STXBP4: variants seen among roughly 807,000 people sequenced by gnomAD.
STXBP4 encodes the protein syntaxin-binding protein 4.
In STXBP4, 55 loss-of-function variants were observed where a neutral mutation model predicts 76.1. The observed-to-expected ratio is 0.72, with a 90% CI of 0.58 to 0.91. The LOEUF (loss-of-function observed/expected upper bound fraction) is 0.91, where lower values mean the gene tolerates loss of function less well. STXBP4 is among the 40% of genes least tolerant of loss of function. The probability of loss-of-function intolerance (pLI) is 0.00; values close to 1 mark genes in which losing one functional copy is unlikely to be tolerated. For synonymous variants in STXBP4, 201 were observed against 220.2 expected (o/e 0.91, Z 0.77); for missense variants, 618 against 636.9 (o/e 0.97, Z 0.32).
the STXBP4 span, among the ~76,000 whole-genome samples, chr17:55,192,371 A>T: frequency 6.6e-6 from 1 of 152,274 alleles, no homozygotes; most frequent in African/African-American, 2.4e-5. Context: ...ACAGAAGTGG[A>T]CTTACTTCAT....
intron 10 of STXBP4, among the ~76,000 whole-genome samples, chr17:55,040,340 A>G (rs2078676556): frequency 6.6e-6 from 1 of 152,142 alleles, no homozygotes; most frequent in Non-Finnish European, 1.5e-5. Context: ...GAGCAGGGAA[A>G]TGGAAAGAGA....
intron 16 of STXBP4, among the ~76,000 whole-genome samples, chr17:55,092,431 C>G (rs1227815963): frequency 6.6e-6 from 1 of 152,110 alleles, no homozygotes. Context: ...TATTAACAAC[C>G]ATGTAATTTA....
At chr17:55,126,417 T>A (rs1031531760) in intron 16 of STXBP4, among the ~76,000 whole-genome samples, 3 of 152,182 alleles carry the variant, frequency 2.0e-5, no homozygotes, top group Non-Finnish European at 1.5e-5. Context: ...ATGGAAATGC[T>A]AAAAGTATAA....
intron 17 of STXBP4, among the ~76,000 whole-genome samples, 191 bp downstream of exon 17, chr17:55,141,558 A>T (rs949387497): frequency 1.3e-5 from 2 of 152,196 alleles, no homozygotes; most frequent in Admixed American, 6.5e-5. Flanking sequence ...GGGGGAAAAA[A>T]CCTGGTAATA....
At chr17:55,091,666 T>G (rs2079416777) in intron 16 of STXBP4, among the ~76,000 whole-genome samples, 1 of 152,218 alleles carries the variant, frequency 6.6e-6, no homozygotes, top group Non-Finnish European at 1.5e-5. Context: ...GCAAGCATGA[T>G]GGTGATGCCA....
chr17:55,024,793 A>C (rs567264637), intron 8 of STXBP4, among the ~76,000 whole-genome samples: 1 of 152,196 alleles, frequency 6.6e-6, no homozygotes. Context: ...AGGAAAATGA[A>C]GGAACAAGAG....
Position 55,168,386 on chromosome 17 carries a change from A to G in STXBP4, c.*8475A>G, listed in dbSNP as rs971891447. 1.3e-5 allele frequency: 2 copies of G among 152,176 alleles called. No homozygotes were observed. Among genetic ancestry groups the G allele is most frequent in the Admixed American group, 6.5e-5 (1 of 15,276 alleles). The allele number at this position is 152,176 out of a possible 1,614,324, so 9.4% of individuals were successfully genotyped here. A position where few individuals can be genotyped will look rare whatever the true frequency, so the allele number is the denominator to read the frequency against. Reference sequence around the variant, plus strand: ...TCTACAAATGGAAAGTGAGAAGTCTATGAAGTTACCTTAGTTTTTCCAATT... The same window carrying G: ...TCTACAAATGGAAAGTGAGAAGTCTGTGAAGTTACCTTAGTTTTTCCAATT... On this transcript the variant is annotated 3_prime_UTR_variant, in exon 18 of 18. Transcript: ENST00000376352.
At chr17:55,052,731 C>T (rs1013368364) in intron 12 of STXBP4, among the ~76,000 whole-genome samples, 1 of 151,646 alleles carries the variant, frequency 6.6e-6, no homozygotes, top group Non-Finnish European at 1.5e-5. Context: ...GTTGATATCA[C>T]CAATGAAGAA....
chr17:55,196,146 G>T, the STXBP4 span, among the ~76,000 whole-genome samples: 1 of 152,154 alleles, frequency 6.6e-6, no homozygotes, highest in Admixed American at 6.5e-5. Context: ...GCAATGACTT[G>T]ATTGGTAGTC....
At chr17:55,058,691 C>T (rs1300499659) in intron 12 of STXBP4, among the ~76,000 whole-genome samples, 2 of 151,972 alleles carry the variant, frequency 1.3e-5, no homozygotes, top group Non-Finnish European at 2.9e-5. Context: ...TTCTTATAGT[C>T]GATGGGCATT....
chr17:55,197,246 C>T, the STXBP4 span, among the ~76,000 whole-genome samples: 1 of 151,798 alleles, frequency 6.6e-6, no homozygotes, highest in Admixed American at 6.6e-5. Context: ...CTTCTTAGCT[C>T]TGCTTAGAGG....
At chr17:55,206,740 C>T in the STXBP4 span, among the ~76,000 whole-genome samples, 1 of 151,592 alleles carries the variant, frequency 6.6e-6, no homozygotes, top group Non-Finnish European at 1.5e-5. Flanking sequence ...GACTGTAGTC[C>T]CAGCTACTCA....
intron 8 of STXBP4, among the ~76,000 whole-genome samples, chr17:55,010,422 T>C (rs2078088545): frequency 6.6e-6 from 1 of 152,122 alleles, no homozygotes; most frequent in Admixed American, 6.5e-5. Context: ...CATTTGCCTC[T>C]TTCTGTGAAT....
chr17:55,194,449 A>G, the STXBP4 span, among the ~76,000 whole-genome samples: 1 of 152,246 alleles, frequency 6.6e-6, no homozygotes, highest in African/African-American at 2.4e-5. Flanking sequence ...AGCTCCTCCT[A>G]TTTGGCCTGT....
chr17:55,084,649 G>T (rs1364669903), intron 16 of STXBP4, among the ~76,000 whole-genome samples: 1 of 151,500 alleles, frequency 6.6e-6, no homozygotes, highest in African/African-American at 2.4e-5. Context: ...ATCTTGAATT[G>T]ATTTTTGTAT....
At chr17:55,008,668 G>A (rs1418355789) in intron 8 of STXBP4, among the ~76,000 whole-genome samples, 1 of 152,110 alleles carries the variant, frequency 6.6e-6, no homozygotes, top group Non-Finnish European at 1.5e-5. Context: ...TAAACTGGGG[G>A]GAGCATAGCA....
intron 10 of STXBP4, among the ~76,000 whole-genome samples, chr17:55,037,548 G>T (rs191087667): frequency 6.6e-6 from 1 of 152,014 alleles, no homozygotes; most frequent in African/African-American, 2.4e-5. Context: ...AGCGCTAATG[G>T]CAATTGTGCA....
intron 8 of STXBP4, among the ~76,000 whole-genome samples, chr17:55,016,199 C>A (rs1254788455): frequency 6.6e-6 from 1 of 152,112 alleles, no homozygotes; most frequent in Non-Finnish European, 1.5e-5. Context: ...GGTGCGTCAC[C>A]ACCCATGGAC....
intron 16 of STXBP4, among the ~76,000 whole-genome samples, chr17:55,134,505 A>G (rs2080007001): frequency 1.3e-5 from 2 of 152,144 alleles, no homozygotes; most frequent in Admixed American, 6.6e-5. Flanking sequence ...ATCCAAAACA[A>G]TTATATATAA....
Sources: gnomAD v4.1 joint callset for allele counts (sites outside exome capture counted in the v4.1 genomes callset) on GRCh38, gnomAD v4.1.1 for gene constraint, MANE v1.5 for transcripts, NCBI Gene and HGNC (gene_info 2026-07-23, HGNC 2026-07-21) for gene names.